Variants in CRELD1 observed in about 807,000 individuals in gnomAD.
CRELD1 encodes the protein protein disulfide isomerase CRELD1.
Under a neutral mutation model 58.2 loss-of-function variants are expected in CRELD1, and 42 were observed. That is an observed-to-expected ratio of 0.72 (90% CI 0.56 to 0.93). The LOEUF (loss-of-function observed/expected upper bound fraction) is 0.93. CRELD1 is among the 40% of genes least tolerant of loss of function. The pLI is 0.00. For missense variants in CRELD1, 500 were observed against 540.6 expected (o/e 0.92, Z 0.74); for synonymous variants, 222 against 202.0 (o/e 1.10, Z -0.84).
At chr3:9,934,748 G>T in intron 2 of CRELD1, 87 bp from the exon 3 acceptor site, 1 of 1,517,836 alleles carries the variant, frequency 6.6e-7, no homozygotes. Flanking sequence ...TTGCCTTTCT[G>T]TGCCTCAGTT....
Position 9,940,749 on chromosome 3 carries a change from G to A in CRELD1, c.461-101G>A, listed in dbSNP as rs1325641122. 1.9e-4 allele frequency: 138 copies of A among 708,724 alleles called. No homozygotes were observed. In the African/African-American group the frequency reaches 4.6e-3, roughly 24 times the overall value. 43.9% of individuals were successfully genotyped at this position (708,724 alleles called of 1,614,324 possible). On this transcript the variant is annotated intron_variant, in intron 5 of 10. Transcript: ENST00000452070. ...GGGGGAGGGGGAGGGGAGGGGGGGA[G>A]GGAGGGAAGGCAAGGGAGAGGGAGA...
intron 3 of CRELD1, among the ~76,000 whole-genome samples, chr3:9,936,981 C>A (rs150389563): frequency 6.6e-6 from 1 of 152,324 alleles, no homozygotes; most frequent in Non-Finnish European, 1.5e-5. Context: ...TGCATTGTTT[C>A]TACCTTTTGG....
At chr3:9,943,251 C>G (rs1325539352) in intron 9 of CRELD1, 79 bp downstream of exon 9, 1 of 1,586,002 alleles carries the variant, frequency 6.3e-7, no homozygotes, top group African/African-American at 1.3e-5. Flanking sequence ...GGAATATGGG[C>G]AGGTGGGGGA....
At chr3:9,942,673 A>G in intron 7 of CRELD1, 140 bp from the exon 8 acceptor site, 2 of 734,206 alleles carry the variant, frequency 2.7e-6, no homozygotes, top group Non-Finnish European at 4.9e-6. Context: ...AAGTCCAGCT[A>G]GTCTGCTTCT....
intron 3 of CRELD1, chr3:9,935,573 C>T (rs867535855): frequency 6.5e-6 from 1 of 153,474 alleles, no homozygotes; most frequent in African/African-American, 2.4e-5. Context: ...AAAGGCAACA[C>T]AAGCTAGTGT....
At position 9,938,019 on chromosome 3, in the gene CRELD1, C is replaced by T; in HGVS notation, c.373C>T (p.Gln125Ter). The change falls in exon 5 of 11, where the codon CAG becomes TAG. Residue 125 changes from glutamine (Q) to a stop codon, truncating the protein, a stop_gained. Coordinates refer to ENST00000452070, the MANE Select transcript of CRELD1 (RefSeq NM_001077415.3). LOFTEE classifies it high-confidence loss of function. The part of the protein sequence containing the change: ...LVESWWFHKQ[Q>*]EAPDLFQWLC... ...TCCACCCTGCCCCTGCCTCAGGCAG[C>T]AGGAGGCCCCGGACCTCTTCCAGTG... 1 of 1,613,120 alleles carries T rather than the reference C, an allele frequency of 6.2e-7. No homozygotes were observed.
rs2085414853 is a variant in CRELD1, at chr3:9,943,121, C to T, written c.862C>T (p.Arg288Cys). ...CLGCMGAGPG[R>C]CKKCSPGYQQ... Reference sequence around the variant, plus strand: ...AGGCTGCATGGGGGCAGGGCCAGGTCGCTGTAAGAAGTGTAGCCCTGGCTA... The same window carrying T: ...AGGCTGCATGGGGGCAGGGCCAGGTTGCTGTAAGAAGTGTAGCCCTGGCTA... The change falls in exon 9 of 11, where the codon CGC becomes TGC. Residue 288 changes from arginine to cysteine, a missense_variant. Transcript: ENST00000452070. 2 of 1,613,612 alleles carry T rather than the reference C, an allele frequency of 1.2e-6. No individual in the cohort carries two copies. Among genetic ancestry groups the T allele is most frequent in the Admixed American group, 1.7e-5 (1 of 59,994 alleles).
At chr3:9,940,548 A>T (rs1195339792) in intron 5 of CRELD1, among the ~76,000 whole-genome samples, 1 of 151,818 alleles carries the variant, frequency 6.6e-6, no homozygotes, top group Non-Finnish European at 1.5e-5. Flanking sequence ...CGCGCCTGCA[A>T]TCGCAGGCAC....
chr3:9,938,139 G>C (rs376939409), intron 5 of CRELD1, 33 bp downstream of exon 5: 1 of 1,521,958 alleles, frequency 6.6e-7, no homozygotes, highest in African/African-American at 1.4e-5. Context: ...GGGATGGGAG[G>C]GGACCACCGA....
rs1230049119 is a variant in CRELD1, at chr3:9,943,105, G to T, written c.846G>T (p.Met282Ile). 6.2e-7 allele frequency: 1 copy of T among 1,613,792 alleles called. No individual in the cohort carries two copies. Among genetic ancestry groups the T allele is most frequent in the South Asian group, 1.1e-5 (1 of 91,068 alleles). The change falls in exon 9 of 11, where the codon ATG becomes ATT. Residue 282 changes from methionine to isoleucine, a missense_variant. Transcript: ENST00000452070. ...GTGCCAAGGCCTGCCTAGGCTGCAT[G>T]GGGGCAGGGCCAGGTCGCTGTAAGA... Reference protein sequence around the residue: ...RDCAKACLGCMGAGPGRCKKC... With the variant: ...RDCAKACLGCIGAGPGRCKKC...
intron 4 of CRELD1, 77 bp from the exon 5 acceptor site, chr3:9,937,938 T>TG: frequency 9.5e-7 from 1 of 1,053,322 alleles, no homozygotes; most frequent in Non-Finnish European, 1.5e-6. Flanking sequence ...GATTCAGGCA[T>TG]GGGGGAATGG....
intron 7 of CRELD1, 50 bp from the exon 8 acceptor site, chr3:9,942,763 T>C: frequency 1.4e-6 from 2 of 1,433,840 alleles, no homozygotes; most frequent in Non-Finnish European, 2.0e-6. Flanking sequence ...TGGCTTCAGC[T>C]TCCCTACTAA....
At position 9,934,927 on chromosome 3, in the gene CRELD1, T is replaced by G. The variant is rs146680338; in HGVS notation, c.257+10T>G. On this transcript the variant is annotated intron_variant, in intron 3 of 10. Transcript: ENST00000452070. Reference sequence around the variant, plus strand: ...CCAAATACAAAGACAGGTAAGGGGCTGCTGGGGGAAGGGGTGTATATTCCC... The same window carrying G: ...CCAAATACAAAGACAGGTAAGGGGCGGCTGGGGGAAGGGGTGTATATTCCC... The G allele has an allele frequency of 1.0e-4, 168 of 1,604,624 alleles. No individual in the cohort carries two copies. The African/African-American group carries it at 2.1e-3, about 20-fold the overall frequency.
At chr3:9,944,149 C>T in intron 10 of CRELD1, 1 of 787,942 alleles carries the variant, frequency 1.3e-6, no homozygotes, top group South Asian at 1.3e-5. Context: ...GCAAGTCCAA[C>T]CCCTTTACCT....
intron 7 of CRELD1, 87 bp downstream of exon 7, chr3:9,941,293 T>C: frequency 8.6e-7 from 1 of 1,167,996 alleles, no homozygotes; most frequent in Non-Finnish European, 1.2e-6. Context: ...TGGGCTAGAC[T>C]AGCCTAGTCT....
rs750003238 is a variant in CRELD1, at chr3:9,938,078, C to T, written c.432C>T (p.Pro144=). 6.2e-7 allele frequency: 1 copy of T among 1,613,962 alleles called. No homozygotes were observed. The highest frequency in any genetic ancestry group is 8.5e-7 in the Non-Finnish European group (1 of 1,180,018). ...LCSDSLKLCC[P]AGTFGPSCLP... is the part of the protein sequence containing the mutation. ...CAGATTCCCTGAAGCTCTGCTGCCC[C>T]GCAGGCACCTTCGGGCCCTCCTGCC... Residue 144 remains proline (P), a synonymous_variant, in exon 5 of 11, where the codon CCC becomes CCT. Coordinates refer to ENST00000452070, the MANE Select transcript of CRELD1 (RefSeq NM_001077415.3).
At chr3:9,944,026 A>T in intron 10 of CRELD1, 1 of 876,790 alleles carries the variant, frequency 1.1e-6, no homozygotes, top group Non-Finnish European at 2.0e-6. Flanking sequence ...TCCCAGGGCT[A>T]TATGGCAAGC....
At chr3:9,933,954 GC>G in intron 1 of CRELD1, 34 bp downstream of exon 1, 1 of 348,986 alleles carries the variant, frequency 2.9e-6, no homozygotes, top group Non-Finnish European at 5.3e-6. Context: ...CGTGGGCCGT[GC>G]CTTTGCCCTT....
rs1380727464 is a variant in CRELD1 at position 9,941,100 on chromosome 3, A to G, written c.638-11A>G. On this transcript the variant is annotated splice_polypyrimidine_tract_variant and intron_variant, in intron 6 of 10. Coordinates refer to ENST00000452070, the MANE Select transcript of CRELD1 (RefSeq NM_001077415.3). ...GCCTGCCCATCCTCATGCTGCCCCC[A>G]TTCCACCCAGCTTGTTTTGGCCCCT... 6.8e-6 allele frequency: 11 copies of G among 1,614,090 alleles called. No individual in the cohort carries two copies. Among genetic ancestry groups the G allele is most frequent in the Admixed American group, 3.3e-5 (2 of 60,010 alleles).
Sources: allele counts gnomAD v4.1 joint callset (sites outside exome capture counted in the v4.1 genomes callset), GRCh38; gene constraint gnomAD v4.1.1; transcripts MANE v1.5; gene names NCBI Gene and HGNC (gene_info 2026-07-23, HGNC 2026-07-21).